LRP1B: variants seen among roughly 807,000 people sequenced by gnomAD.
The protein encoded by LRP1B is LDL receptor related protein 1B.
A neutral mutation model predicts 556.6 loss-of-function variants in LRP1B; 217 were observed. That is an observed-to-expected ratio of 0.39 (90% CI 0.35 to 0.44). The LOEUF (loss-of-function observed/expected upper bound fraction) is 0.44. LRP1B is among the 20% of genes least tolerant of loss of function. The pLI is 1.00. For synonymous variants in LRP1B, 2,047 were observed against 1,865.8 expected (o/e 1.10, Z -2.50); for missense variants, 5,053 against 5,620.8 (o/e 0.90, Z 3.23).
chr2:140,950,422 T>C lies in LRP1B; in HGVS notation c.2969-20A>G. On this transcript the variant is annotated intron_variant, in intron 19 of 90. Transcript: ENST00000389484. The stretch of plus-strand genomic sequence containing the variant: ...CGTCATCTGGAAAGAAACATCAACA[T>C]GAGGCAGTGAAATCTGAACCATGAA... 6.3e-7 allele frequency: 1 copy of C among 1,575,112 alleles called. No homozygotes were observed. The highest frequency in any genetic ancestry group is 8.6e-7 in the Non-Finnish European group (1 of 1,162,360).
At chr2:141,975,419 T>G (rs1430199310) in intron 1 of LRP1B, among the ~76,000 whole-genome samples, 1 of 152,070 alleles carries the variant, frequency 6.6e-6, no homozygotes, top group Non-Finnish European at 1.5e-5. Flanking sequence ...AGACATTACC[T>G]TTTAAAACTC....
chr2:140,513,898 A>C (rs1689770077), intron 51 of LRP1B, among the ~76,000 whole-genome samples: 1 of 152,064 alleles, frequency 6.6e-6, no homozygotes, highest in Admixed American at 6.5e-5. Context: ...ATGCATGTAC[A>C]GAAATAGATT....
rs145572321 is a variant in LRP1B at position 141,619,743 on chromosome 2, T to C, written c.206-139210A>G. ...CAAGATAAGATTAGAGGATAGATGA[T>C]TGGATTCTTTTGAGACATGAGATGA... On this transcript the variant is annotated intron_variant, in intron 2 of 90. Coordinates refer to ENST00000389484, the MANE Select transcript of LRP1B (RefSeq NM_018557.3). 3.4e-3 allele frequency among the ~76,000 whole-genome samples: 524 copies of C among 152,268 alleles called. 2 individuals are homozygous for C. The highest frequency in any genetic ancestry group is 0.012 in the African/African-American group (494 of 41,560).
chr2:140,692,036 T>A (rs1395939769), intron 41 of LRP1B, among the ~76,000 whole-genome samples: 3 of 152,136 alleles, frequency 2.0e-5, no homozygotes, highest in Admixed American at 6.5e-5. Flanking sequence ...TGATTTTTAA[T>A]GTGCTTAATT....
intron 2 of LRP1B, among the ~76,000 whole-genome samples, chr2:141,481,404 G>A (rs1682913614): frequency 6.6e-6 from 1 of 152,120 alleles, no homozygotes; most frequent in Non-Finnish European, 1.5e-5. Flanking sequence ...AATCTAAAAT[G>A]TAGTAATTCC....
rs113511309 is a variant in LRP1B at position 141,788,862 on chromosome 2, A to G, written c.205+21417T>C. ...CTTCATCCATGTCCCTACAAAGGAC[A>G]TGAACTTATCATTTTTTATGGCTGC... On this transcript the variant is annotated intron_variant, in intron 2 of 90. Transcript: ENST00000389484. Among the ~76,000 whole-genome samples the G allele has an allele frequency of 7.4e-3, 1,124 of 152,234 alleles. 17 individuals are homozygous for G. The highest frequency in any genetic ancestry group is 0.025 in the African/African-American group (1,039 of 41,566).
chr2:141,198,115 C>A (rs1681830600), intron 6 of LRP1B, among the ~76,000 whole-genome samples: 13 of 152,064 alleles, frequency 8.5e-5, no homozygotes, highest in Admixed American at 8.5e-4. Context: ...TACCACATTT[C>A]TTTGCAGGAA....
intron 66 of LRP1B, among the ~76,000 whole-genome samples, chr2:140,431,487 C>T (rs943171793): frequency 5.3e-5 from 8 of 152,174 alleles, no homozygotes; most frequent in Non-Finnish European, 7.3e-5. Flanking sequence ...CTCATACATG[C>T]CCTGCTCTTG....
chr2:141,410,937 A>C (rs1335087142), intron 3 of LRP1B, among the ~76,000 whole-genome samples: 1 of 151,998 alleles, frequency 6.6e-6, no homozygotes, highest in Middle Eastern at 3.2e-3. Context: ...CTAAGTATTT[A>C]AAAATGCACT....
intron 14 of LRP1B, among the ~76,000 whole-genome samples, chr2:141,009,097 T>A (rs888459656): frequency 6.6e-6 from 1 of 151,954 alleles, no homozygotes; most frequent in Admixed American, 6.6e-5. Context: ...TTTCTATATG[T>A]GTCCTGGACT....
At position 141,820,408 on chromosome 2, in the gene LRP1B, C is replaced by T. The variant is rs115648331; in HGVS notation, c.83-10007G>A. On this transcript the variant is annotated intron_variant, in intron 1 of 90. Coordinates refer to ENST00000389484, the MANE Select transcript of LRP1B (RefSeq NM_018557.3). Reference sequence around the variant, plus strand: ...AAAAATGCTTGAACTAGGACAGTTCCGTTTTGCAAAGAAAATAGATATTCT... The same window carrying T: ...AAAAATGCTTGAACTAGGACAGTTCTGTTTTGCAAAGAAAATAGATATTCT... 3.4e-3 allele frequency among the ~76,000 whole-genome samples: 520 copies of T among 152,036 alleles called. 2 individuals carry two copies. Among genetic ancestry groups the T allele is most frequent in the African/African-American group, 0.012 (491 of 41,468 alleles).
At chr2:141,195,046 G>T (rs1681694907) in intron 6 of LRP1B, among the ~76,000 whole-genome samples, 1 of 152,104 alleles carries the variant, frequency 6.6e-6, no homozygotes, top group Non-Finnish European at 1.5e-5. Flanking sequence ...AAGAGATGAA[G>T]CTTAATTCTC....
chr2:140,945,868 T>G (rs1412555414), intron 20 of LRP1B, among the ~76,000 whole-genome samples: 2 of 152,086 alleles, frequency 1.3e-5, no homozygotes, highest in African/African-American at 4.8e-5. Flanking sequence ...GAGACCTAAT[T>G]AAACTAAAGA....
intron 3 of LRP1B, among the ~76,000 whole-genome samples, chr2:141,370,804 CTT>C (rs1430210606): frequency 6.6e-6 from 1 of 152,064 alleles, no homozygotes; most frequent in African/African-American, 2.4e-5. Context: ...TGTAATCCAT[CTT>C]GAGTTGATTT....
intron 83 of LRP1B, among the ~76,000 whole-genome samples, chr2:140,304,581 A>G (rs534505953): frequency 2.2e-4 from 34 of 152,116 alleles, no homozygotes; most frequent in Non-Finnish European, 4.0e-4. Context: ...GTAGATTGCA[A>G]AAATGTTCTC....
At chr2:140,703,746 C>T (rs1686729735) in intron 37 of LRP1B, among the ~76,000 whole-genome samples, 2 of 152,128 alleles carry the variant, frequency 1.3e-5, no homozygotes, top group African/African-American at 4.8e-5. Context: ...TTAGCTCCCA[C>T]TTATAAGTGA....
chr2:141,886,595 G>T (rs1355383937), intron 1 of LRP1B, among the ~76,000 whole-genome samples: 1 of 152,114 alleles, frequency 6.6e-6, no homozygotes, highest in African/African-American at 2.4e-5. Context: ...ACTGTCCTTG[G>T]AATTCAGGCC....
rs776552764 is a variant in LRP1B, at chr2:140,949,414, G to A, written c.3136+821C>T. Among the ~76,000 whole-genome samples, 58 of 152,108 alleles carry A rather than the reference G, an allele frequency of 3.8e-4. No individual in the cohort carries two copies. The Middle Eastern group carries it at 0.01, about 27-fold the overall frequency. On this transcript the variant is annotated intron_variant, in intron 20 of 90. Transcript: ENST00000389484. Reference sequence around the variant, plus strand: ...GCAAAGTAAGCCAGGCGAATGACAGGGTTATCATCCCCATGGATATGTTGA... The same window carrying A: ...GCAAAGTAAGCCAGGCGAATGACAGAGTTATCATCCCCATGGATATGTTGA...
At chr2:140,269,808 T>G (rs1477139659) in intron 86 of LRP1B, among the ~76,000 whole-genome samples, 1 of 151,898 alleles carries the variant, frequency 6.6e-6, no homozygotes. Flanking sequence ...TAGGTTTACA[T>G]AATAAAACAG....
Sources: gnomAD v4.1 joint callset for allele counts (sites outside exome capture counted in the v4.1 genomes callset) on GRCh38, gnomAD v4.1.1 for gene constraint, MANE v1.5 for transcripts, NCBI Gene and HGNC (gene_info 2026-07-23, HGNC 2026-07-21) for gene names.